The following NECAB2 variants were observed in gnomAD, a reference collection of about 807,000 sequenced individuals.
NECAB2 encodes N-terminal EF-hand calcium binding protein 2.
In NECAB2, 68 loss-of-function variants were observed where a neutral mutation model predicts 51.9. The ratio of observed to expected loss-of-function variants is 1.31; its 90% CI spans 1.08 to 1.60. The LOEUF (loss-of-function observed/expected upper bound fraction) is 1.60. Among genes scored for constraint, NECAB2 ranks in the 40% most tolerant of loss-of-function variants. NECAB2 has a pLI of 0.00. For synonymous variants in NECAB2, 329 were observed against 203.5 expected (o/e 1.62, Z -5.25); for missense variants, 854 against 490.3 (o/e 1.74, Z -7.00).
intron 2 of NECAB2, among the ~76,000 whole-genome samples, chr16:83,976,173 T>C (rs1165844776): frequency 6.6e-6 from 1 of 152,148 alleles, no homozygotes; most frequent in African/African-American, 2.4e-5. Context: ...CCATGGTGAC[T>C]GCCCCTCACC....
chr16:83,965,560 G>T (rs1031385317), upstream of NECAB2: 3 of 1,612,776 alleles, frequency 1.9e-6, no homozygotes, highest in Non-Finnish European at 1.7e-6. Flanking sequence ...TCAACCAGCT[G>T]CCCAAGATGC....
intron 8 of NECAB2, among the ~76,000 whole-genome samples, chr16:83,995,781 G>C (rs563419436): frequency 6.6e-6 from 1 of 152,214 alleles, no homozygotes; most frequent in African/African-American, 2.4e-5. Context: ...AAGTCCGAGG[G>C]AGGAAGCTCA....
chr16:84,001,798 TG>T (rs767183432), intron 11 of NECAB2, 26 bp from the exon 12 acceptor site: 4 of 1,612,946 alleles, frequency 2.5e-6, no homozygotes, highest in African/African-American at 2.7e-5. Context: ...CTGCCACCCC[TG>T]ACTCACACAT....
At chr16:83,982,767 G>A (rs1408734394) in intron 5 of NECAB2, among the ~76,000 whole-genome samples, 1 of 152,200 alleles carries the variant, frequency 6.6e-6, no homozygotes. Context: ...ATGTGCGTAT[G>A]ATGTCAGGGG....
At chr16:84,001,049 C>G (rs753616617) in intron 11 of NECAB2, among the ~76,000 whole-genome samples, 9 of 152,144 alleles carry the variant, frequency 5.9e-5, no homozygotes, top group Non-Finnish European at 1.2e-4. Context: ...TTCTGTGCCC[C>G]TAGAGCACCT....
intron 9 of NECAB2, 134 bp downstream of exon 9, chr16:83,997,403 G>C (rs568656085): frequency 3.4e-5 from 39 of 1,157,286 alleles, no homozygotes; most frequent in East Asian, 1.0e-4. Context: ...GTCGCCCAGC[G>C]CTTGGCACCC....
At chr16:83,967,848 G>A (rs1239181204), upstream of NECAB2, among the ~76,000 whole-genome samples, 1 of 149,532 alleles carries the variant, frequency 6.7e-6, no homozygotes, top group Non-Finnish European at 1.5e-5. Flanking sequence ...GATGCTGGGT[G>A]GGTGGATGGA....
chr16:83,993,165 C>A (rs571018535), intron 6 of NECAB2, among the ~76,000 whole-genome samples: 1 of 152,286 alleles, frequency 6.6e-6, no homozygotes, highest in Non-Finnish European at 1.5e-5. Flanking sequence ...ATCCTGTTTC[C>A]CAGCCCCAGG....
intron 6 of NECAB2, among the ~76,000 whole-genome samples, chr16:83,991,582 G>A (rs530043556): frequency 5.4e-5 from 8 of 149,188 alleles, no homozygotes; most frequent in Admixed American, 2.0e-4. Context: ...GGCCAGGCTG[G>A]TCTTTAGGGT....
chr16:83,975,640 G>T (rs963383069), intron 2 of NECAB2, among the ~76,000 whole-genome samples: 1 of 152,136 alleles, frequency 6.6e-6, no homozygotes, highest in African/African-American at 2.4e-5. Context: ...GTCCCTATGG[G>T]AAGGTTAGCA....
At chr16:83,979,428 G>A (rs560759376) in intron 3 of NECAB2, among the ~76,000 whole-genome samples, 32 of 152,276 alleles carry the variant, frequency 2.1e-4, no homozygotes, top group African/African-American at 6.7e-4. Context: ...CAGAGGCTGC[G>A]GCTGAGAGAG....
chr16:83,987,496 C>T (rs1051725430), intron 5 of NECAB2, among the ~76,000 whole-genome samples: 1 of 152,130 alleles, frequency 6.6e-6, no homozygotes, highest in African/African-American at 2.4e-5. Context: ...ATTCAAATCG[C>T]TTCTAATTCC....
intron 1 of NECAB2, among the ~76,000 whole-genome samples, chr16:83,969,122 C>T (rs908588140): frequency 1.3e-5 from 2 of 151,584 alleles, no homozygotes; most frequent in African/African-American, 4.9e-5. Context: ...AGTGGGGAGC[C>T]GTGAGCCCCC....
intron 3 of NECAB2, among the ~76,000 whole-genome samples, chr16:83,980,571 C>A (rs548059584): frequency 1.3e-5 from 2 of 152,130 alleles, no homozygotes; most frequent in African/African-American, 4.8e-5. Flanking sequence ...GCTTGGCCCT[C>A]CCCTTGGTGT....
upstream of NECAB2, chr16:83,965,499 T>C: frequency 6.2e-7 from 1 of 1,611,526 alleles, no homozygotes; most frequent in Non-Finnish European, 8.5e-7. Context: ...CACTACAACA[T>C]CCCGGTGATC....
chr16:83,970,830 C>T (rs990177293), intron 1 of NECAB2, among the ~76,000 whole-genome samples: 12 of 152,164 alleles, frequency 7.9e-5, no homozygotes, highest in Admixed American at 3.9e-4. Flanking sequence ...CCGTGGCTCA[C>T]GCCTGTAATC....
chr16:83,974,067 G>T (rs944693765), intron 2 of NECAB2, among the ~76,000 whole-genome samples: 1 of 149,844 alleles, frequency 6.7e-6, no homozygotes, highest in Non-Finnish European at 1.5e-5. Flanking sequence ...GGGACTCTCA[G>T]TTTCCTTACT....
chr16:83,987,216 T>C (rs1007266557), intron 5 of NECAB2, among the ~76,000 whole-genome samples: 4 of 152,228 alleles, frequency 2.6e-5, no homozygotes, highest in South Asian at 2.1e-4. Context: ...AGAGTCATTT[T>C]TGCCCATTTC....
rs74032357 is a variant in NECAB2 at position 83,997,168 on chromosome 16, C to T, written c.796-48C>T. 1.7e-4 allele frequency: 268 copies of T among 1,612,052 alleles called. 1 individual carries two copies. Among genetic ancestry groups the T allele is most frequent in the Non-Finnish European group, 2.1e-4 (246 of 1,178,458 alleles). ...TCCCAGAGCTCCTGGCTCCCCGGGG[C>T]GGAGTGGGGCTCTGGGTCTAGCATC... On this transcript the variant is annotated intron_variant, in intron 8 of 12. Coordinates refer to ENST00000305202, the MANE Select transcript of NECAB2 (RefSeq NM_019065.3).
Sources: gnomAD v4.1 joint callset for allele counts (sites outside exome capture counted in the v4.1 genomes callset) on GRCh38, gnomAD v4.1.1 for gene constraint, MANE v1.5 for transcripts, NCBI Gene and HGNC (gene_info 2026-07-23, HGNC 2026-07-21) for gene names.